Variants in GALNT11 observed in about 807,000 individuals in gnomAD.
GALNT11 encodes the protein polypeptide N-acetylgalactosaminyltransferase 11.
In GALNT11, 47 loss-of-function variants were observed where a neutral mutation model predicts 72.7. The ratio of observed to expected loss-of-function variants is 0.65; its 90% confidence interval spans 0.51 to 0.82. The LOEUF is 0.82. GALNT11 is among the 40% of genes least tolerant of loss of function. The pLI, the probability that GALNT11 is intolerant of heterozygous loss-of-function variation, is 0.00. For synonymous variants in GALNT11, 270 were observed against 286.6 expected (o/e 0.94, Z 0.58); for missense variants, 677 against 778.4 (o/e 0.87, Z 1.55).
intron 1 of GALNT11, among the ~76,000 whole-genome samples, chr7:152,051,258 G>C (rs549618596): frequency 1.4e-4 from 16 of 117,900 alleles, no homozygotes; most frequent in Admixed American, 7.9e-4. Context: ...ATTTTGACCA[G>C]ATCCACATTT....
chr7:152,060,268 T>G (rs139248761), intron 1 of GALNT11, among the ~76,000 whole-genome samples: 143 of 152,344 alleles, frequency 9.4e-4, no homozygotes, highest in African/African-American at 3.2e-3. Flanking sequence ...TGGTTTGATC[T>G]TCTATCTGGA....
Position 152,108,242 on chromosome 7 carries a change from C to T in GALNT11, c.917C>T (p.Pro306Leu), listed in dbSNP as rs1191151185. ...WGLHFKWDLV[P>L]LSELGRAEGA... The stretch of plus-strand genomic sequence containing the variant: ...CTGCACTTCAAATGGGATCTTGTCC[C>T]CCTTTCTGAGCTAGGACGAGCGGAG... Residue 306 changes from proline to leucine, a missense_variant, in exon 6 of 12, where the codon CCC (proline) becomes CTC (leucine). By Grantham distance (98) the Pro-to-Leu change is moderately conservative. Coordinates refer to ENST00000430044, the MANE Select transcript of GALNT11 (RefSeq NM_022087.4). The T allele has an allele frequency of 6.2e-7, 1 of 1,614,030 alleles. No homozygotes were observed. The highest frequency in any genetic ancestry group is 2.2e-5 in the East Asian group (1 of 44,884).
intron 1 of GALNT11, among the ~76,000 whole-genome samples, chr7:152,067,445 A>G (rs1012610511): frequency 6.6e-6 from 1 of 152,000 alleles, no homozygotes; most frequent in Non-Finnish European, 1.5e-5. Flanking sequence ...CTCAGTTTGG[A>G]TTTAGGGACG....
At chr7:152,110,732 T>C (rs777142407) in intron 7 of GALNT11, 87 bp downstream of exon 7, 15 of 1,068,890 alleles carry the variant, frequency 1.4e-5, no homozygotes, top group Non-Finnish European at 1.8e-5. Context: ...TATATTCTCC[T>C]TGATTATTTT....
intron 1 of GALNT11, among the ~76,000 whole-genome samples, chr7:152,047,346 C>G (rs565903092): frequency 6.6e-6 from 1 of 152,112 alleles, no homozygotes; most frequent in Non-Finnish European, 1.5e-5. Context: ...TGCCTGTAAT[C>G]CCAGCTACTT....
At chr7:152,108,664 A>G (rs191981706) in intron 6 of GALNT11, among the ~76,000 whole-genome samples, 27 of 152,330 alleles carry the variant, frequency 1.8e-4, no homozygotes, top group African/African-American at 6.3e-4. Flanking sequence ...TGTTGTGAAA[A>G]ACATTAATAC....
chr7:152,071,073 C>CT (rs2084613057), intron 1 of GALNT11, among the ~76,000 whole-genome samples: 1 of 152,196 alleles, frequency 6.6e-6, no homozygotes. Context: ...GATCACAGGA[C>CT]TACAGGACTG....
intron 7 of GALNT11, among the ~76,000 whole-genome samples, chr7:152,111,713 T>C (rs1365133869): frequency 6.6e-6 from 1 of 152,122 alleles, no homozygotes; most frequent in Non-Finnish European, 1.5e-5. Flanking sequence ...CTTAATGTGC[T>C]AATTTAAAGG....
At chr7:152,064,256 T>C (rs2084181725) in intron 1 of GALNT11, among the ~76,000 whole-genome samples, 2 of 152,216 alleles carry the variant, frequency 1.3e-5, no homozygotes, top group Non-Finnish European at 2.9e-5. Context: ...AAGTCTGTTT[T>C]ATCAGAGACT....
Position 152,118,727 on chromosome 7 carries a change from G to A in GALNT11, c.1502G>A (p.Ser501Asn). Residue 501 changes from serine to asparagine, a missense_variant, in exon 10 of 12, where the codon AGT (serine) becomes AAT (asparagine). Physicochemically the swap from Ser to Asn is conservative, Grantham distance 46. Transcript: ENST00000430044. ...NKCLVAQGRP[S>N]QKGGLVVLKA... is the part of the protein sequence containing the mutation. ...TGCCTGGTGGCCCAGGGCCGCCCAA[G>A]TCAGAAGGGAGGTCTCGTGGTGCTT... 6.2e-7 allele frequency: 1 copy of A among 1,612,052 alleles called. No homozygotes were observed. Among genetic ancestry groups the A allele is most frequent in the Non-Finnish European group, 8.5e-7 (1 of 1,179,250 alleles).
chr7:152,048,720 C>T (rs565097077), intron 1 of GALNT11, among the ~76,000 whole-genome samples: 40 of 151,604 alleles, frequency 2.6e-4, no homozygotes, highest in Admixed American at 1.4e-3. Flanking sequence ...TTAGTAGAGA[C>T]GGGGTTTCAC....
intron 1 of GALNT11, among the ~76,000 whole-genome samples, chr7:152,038,723 C>T (rs546255037): frequency 6.6e-6 from 1 of 152,216 alleles, no homozygotes; most frequent in South Asian, 2.1e-4. Context: ...AAAGACAACA[C>T]AGATTAAAAG....
intron 2 of GALNT11, among the ~76,000 whole-genome samples, chr7:152,097,615 G>A (rs1162514577): frequency 6.6e-6 from 1 of 152,198 alleles, no homozygotes; most frequent in Non-Finnish European, 1.5e-5. Flanking sequence ...TCCATCAACT[G>A]ATGAAGGGAT....
chr7:152,094,554 C>A lies in GALNT11; in HGVS notation c.295+32C>A. The A allele has an allele frequency of 1.3e-6, 2 of 1,546,148 alleles. No homozygotes were observed. Among genetic ancestry groups the A allele is most frequent in the Middle Eastern group, 2.1e-4 (1 of 4,672 alleles). ...ATATGATGTTTACCAGCATCCATAT[C>A]AATGTATTTAATCACTGGAAGTTTG... On this transcript the variant is annotated intron_variant, in intron 2 of 11. Coordinates refer to ENST00000430044, the MANE Select transcript of GALNT11 (RefSeq NM_022087.4). This position sits in a 1 kb window ranked among gnomAD's most constrained non-coding sequence, Gnocchi z 4.3.
chr7:152,121,242 C>T (rs557420516), intron 11 of GALNT11, among the ~76,000 whole-genome samples: 8 of 152,304 alleles, frequency 5.3e-5, no homozygotes, highest in East Asian at 1.9e-4. Flanking sequence ...ACTGTGGTTG[C>T]GCAGTGGCTC....
chr7:152,035,961 C>G (rs184653714), intron 1 of GALNT11, among the ~76,000 whole-genome samples: 1 of 152,242 alleles, frequency 6.6e-6, no homozygotes, highest in African/African-American at 2.4e-5. Flanking sequence ...TGTCTTCTGC[C>G]CAGCTCTCTT....
At chr7:152,101,066 T>C in intron 3 of GALNT11, 145 bp downstream of exon 3, 3 of 1,099,690 alleles carry the variant, frequency 2.7e-6, no homozygotes, top group Non-Finnish European at 3.8e-6. Flanking sequence ...GATTTCCACT[T>C]GTATTATATG....
intron 7 of GALNT11, among the ~76,000 whole-genome samples, chr7:152,112,362 A>AAC (rs1425943454): frequency 1.3e-5 from 2 of 152,132 alleles, no homozygotes; most frequent in Non-Finnish European, 2.9e-5. Context: ...AACATGGTGA[A>AAC]ACCCCGTCTC....
intron 10 of GALNT11, chr7:152,120,500 C>T (rs913652071): frequency 3.5e-5 from 8 of 226,478 alleles, no homozygotes; most frequent in Non-Finnish European, 6.1e-5. Flanking sequence ...CAGCCAGAGG[C>T]TGTCGGGCTC....
Sources: gnomAD v4.1 joint callset for allele counts (sites outside exome capture counted in the v4.1 genomes callset) on GRCh38, gnomAD v4.1.1 for gene constraint, Gnocchi (gnomAD v3.1) non-coding constraint, MANE v1.5 for transcripts, NCBI Gene and HGNC (gene_info 2026-07-23, HGNC 2026-07-21) for gene names.